The following NR3C2 variants were observed in gnomAD, a reference collection of about 807,000 sequenced individuals.
The protein encoded by NR3C2 is mineralocorticoid receptor.
In NR3C2, 15 loss-of-function variants were observed where a neutral mutation model predicts 86.4. That is an observed-to-expected ratio of 0.17 (90% CI 0.12 to 0.27). The LOEUF is 0.27. Ranked by LOEUF, NR3C2 falls within the 10% of genes least tolerant of loss-of-function variation. The pLI, the probability that NR3C2 is intolerant of heterozygous loss-of-function variation, is 1.00. For missense variants in NR3C2, 960 were observed against 1,195.6 expected (o/e 0.80, Z 2.91); for synonymous variants, 458 against 450.5 (o/e 1.02, Z -0.21).
intron 2 of NR3C2, among the ~76,000 whole-genome samples, chr4:148,399,269 T>C (rs1748020393): frequency 6.6e-6 from 1 of 152,194 alleles, no homozygotes; most frequent in African/African-American, 2.4e-5. Flanking sequence ...CTTGCATGAA[T>C]GTCATGATTG....
chr4:148,291,433 T>C (rs1425985471), intron 2 of NR3C2, among the ~76,000 whole-genome samples: 1 of 152,062 alleles, frequency 6.6e-6, no homozygotes, highest in Non-Finnish European at 1.5e-5. Flanking sequence ...TGTATGTTAT[T>C]TTTAATTGTA....
rs75752186 is a variant in NR3C2 at position 148,233,670 on chromosome 4, C to G, written c.1897+26308G>C. On this transcript the variant is annotated intron_variant, in intron 3 of 8. Coordinates refer to ENST00000358102, the MANE Select transcript of NR3C2 (RefSeq NM_000901.5). ...TTTCAATATGTTGTGTCTCAGGGAACAGCAACGTCTGAGGAGAGGAAGAGA... is the reference window on the plus strand; with the variant it reads ...TTTCAATATGTTGTGTCTCAGGGAAGAGCAACGTCTGAGGAGAGGAAGAGA... 4.2e-3 allele frequency among the ~76,000 whole-genome samples: 639 copies of G among 152,152 alleles called. 7 individuals are homozygous for G. Among genetic ancestry groups the G allele is most frequent in the African/African-American group, 0.015 (603 of 41,500 alleles).
chr4:148,187,984 A>T (rs951703976), intron 4 of NR3C2, among the ~76,000 whole-genome samples: 1 of 152,018 alleles, frequency 6.6e-6, no homozygotes, highest in African/African-American at 2.4e-5. Context: ...TCCTTTCCCT[A>T]TCTTATGTTT....
At chr4:148,185,730 T>C (rs1247598450) in intron 4 of NR3C2, among the ~76,000 whole-genome samples, 1 of 152,202 alleles carries the variant, frequency 6.6e-6, no homozygotes, top group Non-Finnish European at 1.5e-5. Context: ...ATATTTTGTA[T>C]GCTATGAGTT....
rs747663972 is a variant in NR3C2, at chr4:148,154,582, G to A, written c.2334C>T (p.Ile778=). Residue 778 remains isoleucine (I), a synonymous_variant, in exon 5 of 9, where the codon ATC becomes ATT. Transcript: ENST00000358102. ...GTACCTTTGCCCACTTCACGACTTG[G>A]ATCATCTGTTTGCCTGCTAAGCGGT... The part of the protein sequence containing the change: ...TLNRLAGKQM[I]QVVKWAKVLP... 280 of 1,614,068 alleles carry A rather than the reference G, an allele frequency of 1.7e-4. No individual in the cohort carries two copies. Among genetic ancestry groups the A allele is most frequent in the Non-Finnish European group, 2.3e-4 (274 of 1,180,050 alleles).
At chr4:148,145,236 A>G (rs1227372152) in intron 6 of NR3C2, among the ~76,000 whole-genome samples, 1 of 152,144 alleles carries the variant, frequency 6.6e-6, no homozygotes, top group Non-Finnish European at 1.5e-5. Context: ...CTGGACTGGT[A>G]AGGGAGGAAC....
At chr4:148,099,056 C>A (rs1731419272) in intron 8 of NR3C2, among the ~76,000 whole-genome samples, 1 of 152,162 alleles carries the variant, frequency 6.6e-6, no homozygotes, top group Non-Finnish European at 1.5e-5. Flanking sequence ...TGTCTTCTTC[C>A]CTGGCCACAC....
intron 2 of NR3C2, among the ~76,000 whole-genome samples, chr4:148,394,474 G>A (rs915392876): frequency 1.3e-5 from 2 of 150,004 alleles, no homozygotes; most frequent in Non-Finnish European, 3.0e-5. Context: ...GATCCCAAGA[G>A]TTCAAGACCA....
intron 4 of NR3C2, among the ~76,000 whole-genome samples, chr4:148,175,019 T>C (rs1264822820): frequency 6.6e-6 from 1 of 152,170 alleles, no homozygotes; most frequent in African/African-American, 2.4e-5. Flanking sequence ...AGTAGTCCCT[T>C]TGTAAGGCTA....
chr4:148,273,954 G>T (rs1740824547), intron 2 of NR3C2, among the ~76,000 whole-genome samples: 1 of 152,152 alleles, frequency 6.6e-6, no homozygotes, highest in East Asian at 1.9e-4. Flanking sequence ...GGATAACAAT[G>T]TCAAGGGCAG....
intron 8 of NR3C2, among the ~76,000 whole-genome samples, chr4:148,104,207 A>G (rs1384002627): frequency 6.6e-6 from 1 of 152,210 alleles, no homozygotes; most frequent in East Asian, 1.9e-4. Flanking sequence ...AGCCCTTAGC[A>G]ATTGTTCCAT....
intron 3 of NR3C2, among the ~76,000 whole-genome samples, chr4:148,228,241 A>G (rs1579041158): frequency 6.6e-6 from 1 of 150,472 alleles, no homozygotes; most frequent in Admixed American, 6.7e-5. Context: ...CGTGTATTAT[A>G]TATTTTCTTT....
At chr4:148,161,292 C>T (rs1184013522) in intron 4 of NR3C2, among the ~76,000 whole-genome samples, 3 of 152,116 alleles carry the variant, frequency 2.0e-5, no homozygotes, top group Non-Finnish European at 4.4e-5. Flanking sequence ...CTAAGGCAAA[C>T]ACAAACCCAA....
chr4:148,200,242 T>C (rs1224923916), intron 3 of NR3C2, among the ~76,000 whole-genome samples: 1 of 152,166 alleles, frequency 6.6e-6, no homozygotes, highest in Admixed American at 6.5e-5. Flanking sequence ...CCCCTTCCTC[T>C]CTTCTGGGTT....
chr4:148,344,404 C>T (rs927140229), intron 2 of NR3C2, among the ~76,000 whole-genome samples: 1 of 152,120 alleles, frequency 6.6e-6, no homozygotes, highest in Non-Finnish European at 1.5e-5. Flanking sequence ...AGCTAAACAT[C>T]AGGAATGGAG....
At chr4:148,352,827 A>G (rs1303365399) in intron 2 of NR3C2, among the ~76,000 whole-genome samples, 1 of 152,080 alleles carries the variant, frequency 6.6e-6, no homozygotes, top group Non-Finnish European at 1.5e-5. Context: ...TAACCACTAA[A>G]CTCACAAAGC....
intron 2 of NR3C2, among the ~76,000 whole-genome samples, chr4:148,427,406 C>G (rs1291533676): frequency 6.6e-6 from 1 of 151,996 alleles, no homozygotes; most frequent in Non-Finnish European, 1.5e-5. Flanking sequence ...TAAGACACAG[C>G]AAAGTAGGTA....
chr4:148,092,941 T>C (rs1157401372), intron 8 of NR3C2, among the ~76,000 whole-genome samples: 2 of 152,236 alleles, frequency 1.3e-5, no homozygotes, highest in Admixed American at 1.3e-4. Flanking sequence ...GCTGTCTCAA[T>C]GCTGATGCCC....
intron 6 of NR3C2, among the ~76,000 whole-genome samples, chr4:148,128,056 C>A (rs538244920): frequency 6.6e-6 from 1 of 152,252 alleles, no homozygotes; most frequent in South Asian, 2.1e-4. Flanking sequence ...GGGTTTAATT[C>A]ATGTAAGAAT....
Sources: gnomAD v4.1 joint callset for allele counts (sites outside exome capture counted in the v4.1 genomes callset) on GRCh38, gnomAD v4.1.1 for gene constraint, MANE v1.5 for transcripts, NCBI Gene and HGNC (gene_info 2026-07-23, HGNC 2026-07-21) for gene names.